CELF2: variants seen among roughly 807,000 people sequenced by gnomAD.
CELF2 encodes CUGBP Elav-like family member 2, also known as CUG triplet repeat RNA-binding protein 2.
A neutral mutation model predicts 62.6 loss-of-function variants in CELF2; 8 were observed. The ratio of observed to expected loss-of-function variants is 0.13; its 90% CI spans 0.07 to 0.23. CELF2 has a LOEUF of 0.23. Ranked by LOEUF, CELF2 falls within the 10% of genes least tolerant of loss-of-function variation. The pLI is 1.00. For missense variants in CELF2, 333 were observed against 671.0 expected, an observed-to-expected ratio of 0.50 and a Z score of 5.56; for synonymous variants, 258 against 250.0, an observed-to-expected ratio of 1.03 and a Z score of -0.30.
the CELF2 span, among the ~76,000 whole-genome samples, chr10:10,670,092 G>A: frequency 3.3e-5 from 5 of 152,026 alleles, no homozygotes; most frequent in East Asian, 3.9e-4. Flanking sequence ...TAGTAGAGAC[G>A]GGTTTTGCCA....
the CELF2 span, among the ~76,000 whole-genome samples, chr10:10,591,200 A>G: frequency 2.0e-5 from 3 of 152,208 alleles, no homozygotes; most frequent in East Asian, 3.8e-4. Context: ...AGGAAAGAGA[A>G]GATATATAGA....
chr10:10,589,567 G>A, the CELF2 span, among the ~76,000 whole-genome samples: 2 of 152,172 alleles, frequency 1.3e-5, no homozygotes, highest in African/African-American at 2.4e-5. Flanking sequence ...CTAGGTAGCT[G>A]TGGCTGGTGC....
chr10:11,094,728 C>T lies in CELF2; in HGVS notation c.75-70758C>T, dbSNP rs553121491. Among the ~76,000 whole-genome samples the T allele has an allele frequency of 2.6e-5, 4 of 152,228 alleles. No individual in the cohort carries two copies. The South Asian group carries it at 6.2e-4, about 24-fold the overall frequency. On this transcript the variant is annotated intron_variant, in intron 1 of 12. Coordinates refer to ENST00000633077, the MANE Select transcript of CELF2 (RefSeq NM_001326342.2). ...ATGTGTCCATCCATGTTAGAGTGTC[C>T]GTCATTTGGTTTCTGAATCTTCACG... is the stretch of plus-strand genomic sequence containing the variant.
rs2096018706 is a variant in CELF2, at chr10:11,331,458, T to C, written c.*2405T>C. The C allele has an allele frequency of 6.6e-6, 1 of 152,346 alleles. No individual in the cohort carries two copies. Among genetic ancestry groups the C allele is most frequent in the South Asian group, 2.1e-4 (1 of 4,830 alleles). The allele number at this position is 152,346 out of a possible 1,614,324, so 9.4% of individuals were successfully genotyped here. On this transcript the variant is annotated 3_prime_UTR_variant, in exon 13 of 13. Transcript: ENST00000633077. ...TGTTTGTGTTCAGCAAAATGTGATG[T>C]TTTTTTCTTTTAAAGAAAAAAAGTG...
At chr10:11,089,585 C>A (rs2047750649) in intron 1 of CELF2, among the ~76,000 whole-genome samples, 3 of 152,044 alleles carry the variant, frequency 2.0e-5, no homozygotes, top group Admixed American at 2.0e-4. Context: ...AGTATATGGT[C>A]TTTGAAAGAG....
At position 11,309,411 on chromosome 10, in the gene CELF2, G is replaced by A. The variant is rs1824604589; in HGVS notation, c.977-4728G>A. Among the ~76,000 whole-genome samples the A allele has an allele frequency of 6.6e-6, 1 of 152,210 alleles. No individual in the cohort carries two copies. Among genetic ancestry groups the A allele is most frequent in the Non-Finnish European group, 1.5e-5 (1 of 68,044 alleles). On this transcript the variant is annotated intron_variant, in intron 9 of 12. Transcript: ENST00000633077. This position sits in a 1 kb window ranked among gnomAD's most constrained non-coding sequence, Gnocchi z 5.6. ...CAGAGGCCACAGCCTTGAGCTATGA[G>A]TGACATTCCTATTTTTCCTTTGTTA...
chr10:10,826,158 T>C (rs1385606078), intron 1 of CELF2, among the ~76,000 whole-genome samples: 1 of 152,002 alleles, frequency 6.6e-6, no homozygotes, highest in African/African-American at 2.4e-5. Context: ...TAACTAATAG[T>C]GATTGGATGG....
At chr10:10,849,461 T>G (rs980222944) in intron 1 of CELF2, among the ~76,000 whole-genome samples, 7 of 151,990 alleles carry the variant, frequency 4.6e-5, no homozygotes, top group African/African-American at 1.7e-4. Context: ...TACTATACAC[T>G]CTTTCCCCAG....
At chr10:10,664,987 C>T in the CELF2 span, among the ~76,000 whole-genome samples, 2 of 152,174 alleles carry the variant, frequency 1.3e-5, no homozygotes, top group African/African-American at 4.8e-5. Context: ...AGCCACTCAA[C>T]ACTGTAGTAC....
chr10:10,713,433 A>G, the CELF2 span, among the ~76,000 whole-genome samples: 1 of 152,326 alleles, frequency 6.6e-6, no homozygotes, highest in East Asian at 1.9e-4. Flanking sequence ...GATGTCATCT[A>G]AACAATGGAA....
chr10:11,322,094 C>G (rs189769338), intron 11 of CELF2, among the ~76,000 whole-genome samples: 3 of 152,340 alleles, frequency 2.0e-5, no homozygotes, highest in Admixed American at 6.5e-5. Flanking sequence ...TACACAGAAA[C>G]TACTTGTTGG....
chr10:10,925,414 A>G (rs559420165), intron 2 of CELF2, among the ~76,000 whole-genome samples: 12 of 151,984 alleles, frequency 7.9e-5, no homozygotes, highest in Non-Finnish European at 1.5e-4. Context: ...TATGCCAAGC[A>G]TGGTTGTCAG....
chr10:11,183,019 A>AT (rs2073897313), intron 2 of CELF2, among the ~76,000 whole-genome samples: 1 of 152,236 alleles, frequency 6.6e-6, no homozygotes, highest in South Asian at 2.1e-4. Context: ...AAAGTATAAA[A>AT]TTTGATACAT....
chr10:11,235,669 A>G (rs1271318154), intron 3 of CELF2, among the ~76,000 whole-genome samples: 2 of 152,218 alleles, frequency 1.3e-5, no homozygotes, highest in African/African-American at 2.4e-5. Flanking sequence ...GACGAGATGA[A>G]TAAATGTAGC....
At chr10:10,798,020 C>A (rs957621781), upstream of CELF2, among the ~76,000 whole-genome samples, 1 of 152,112 alleles carries the variant, frequency 6.6e-6, no homozygotes, top group African/African-American at 2.4e-5. Context: ...ATACCCTTTT[C>A]TCTTTATGTT....
intron 1 of CELF2, among the ~76,000 whole-genome samples, chr10:11,045,507 G>A (rs138325178): frequency 1.9e-3 from 295 of 152,272 alleles, no homozygotes; most frequent in African/African-American, 6.5e-3. Flanking sequence ...CTAAGTTTGT[G>A]TGAGAATTCA....
chr10:11,217,501 A>G lies in CELF2; in HGVS notation c.348A>G (p.Leu116=), dbSNP rs766586500. The G allele has an allele frequency of 2.5e-6, 4 of 1,606,028 alleles. No homozygotes were observed. The highest frequency in any genetic ancestry group is 1.3e-5 in the African/African-American group (1 of 74,694). The change falls in exon 3 of 13, where the codon TTA becomes TTG. Residue 116 remains leucine, a synonymous_variant. Coordinates refer to ENST00000633077, the MANE Select transcript of CELF2 (RefSeq NM_001326342.2). This position sits in a 1 kb window ranked among gnomAD's most constrained non-coding sequence, Gnocchi z 5.6. ...AQNALHNIKT[L]PGMHHPIQMK... ...ATGCACTGCACAATATTAAAACTTT[A>G]CCTGGGGTGAGTCGGTTTACTTTTG...
the CELF2 span, among the ~76,000 whole-genome samples, chr10:10,738,604 G>C: frequency 6.6e-6 from 1 of 152,090 alleles, no homozygotes; most frequent in Non-Finnish European, 1.5e-5. Context: ...ATATATTTAA[G>C]ACATACAACC....
chr10:11,292,822 C>G (rs2092694102), intron 9 of CELF2, among the ~76,000 whole-genome samples: 1 of 152,212 alleles, frequency 6.6e-6, no homozygotes, highest in South Asian at 2.1e-4. Flanking sequence ...GGTCGCTGAT[C>G]TTTGCAGCTG....
Sources: allele counts gnomAD v4.1 joint callset (sites outside exome capture counted in the v4.1 genomes callset), GRCh38; gene constraint gnomAD v4.1.1; non-coding constraint Gnocchi (gnomAD v3.1); transcripts MANE v1.5; gene names NCBI Gene and HGNC (gene_info 2026-07-23, HGNC 2026-07-21).